SYNPR: variants seen among roughly 807,000 people sequenced by gnomAD.
SYNPR encodes the protein synaptoporin.
A neutral mutation model predicts 32.9 loss-of-function variants in SYNPR; 23 were observed. The observed-to-expected ratio is 0.70, with a 90% CI of 0.50 to 0.99. The LOEUF is 0.99. SYNPR is among the 50% of genes least tolerant of loss of function. The pLI is 0.00. For synonymous variants in SYNPR, 146 were observed against 135.9 expected (o/e 1.07, Z -0.52); for missense variants, 318 against 349.3 (o/e 0.91, Z 0.71).
intron 2 of SYNPR, among the ~76,000 whole-genome samples, chr3:63,338,781 A>G (rs2087326263): frequency 6.6e-6 from 1 of 152,192 alleles, no homozygotes; most frequent in South Asian, 2.1e-4. Flanking sequence ...CACTGTCACT[A>G]TGCTGTTCAC....
At chr3:63,446,925 T>G (rs1457337038) in intron 2 of SYNPR, among the ~76,000 whole-genome samples, 1 of 152,032 alleles carries the variant, frequency 6.6e-6, no homozygotes, top group Admixed American at 6.6e-5. Flanking sequence ...AAGTTCAGAG[T>G]GCAGTACACA....
chr3:63,352,358 G>T (rs1223738473), intron 2 of SYNPR, among the ~76,000 whole-genome samples: 2 of 152,166 alleles, frequency 1.3e-5, no homozygotes, highest in Non-Finnish European at 2.9e-5. Context: ...GATTCGGCTG[G>T]AAAATCTGAT....
intron 4 of SYNPR, among the ~76,000 whole-genome samples, chr3:63,569,259 T>A (rs1702845373): frequency 6.6e-6 from 1 of 152,188 alleles, no homozygotes; most frequent in Admixed American, 6.6e-5. Flanking sequence ...ATATTTTAAA[T>A]TATTTCCTTA....
At chr3:63,298,062 A>C (rs1247182525) in intron 2 of SYNPR, among the ~76,000 whole-genome samples, 1 of 152,096 alleles carries the variant, frequency 6.6e-6, no homozygotes, top group Admixed American at 6.6e-5. Context: ...ATTTAATGAC[A>C]CCTATATTTT....
intron 1 of SYNPR, among the ~76,000 whole-genome samples, chr3:63,239,472 GGCAC>G: frequency 1.3e-5 from 2 of 149,910 alleles, no homozygotes; most frequent in Non-Finnish European, 3.0e-5. Flanking sequence ...TGGTAGAATG[GGCAC>G]ATGACACACC....
chr3:63,321,774 C>T lies in SYNPR; in HGVS notation c.84+43032C>T, dbSNP rs550491818. On this transcript the variant is annotated intron_variant, in intron 2 of 5. Transcript: ENST00000478300. ...CTCTGTGTGTTTACAAACACCTCTC[C>T]ACATGAGTAGCCAATATAAACACAA... Among the ~76,000 whole-genome samples the T allele has an allele frequency of 1.3e-4, 20 of 152,126 alleles. No individual in the cohort carries two copies. In the East Asian group the frequency reaches 3.1e-3, roughly 24 times the overall value.
intron 2 of SYNPR, among the ~76,000 whole-genome samples, chr3:63,279,232 C>T (rs11919279): frequency 0.071 from 10,736 of 152,144 alleles, 411 homozygotes; most frequent in Middle Eastern, 0.099. Flanking sequence ...AGCGCGTGTT[C>T]AACTGCTCCG....
chr3:63,361,395 G>A (rs1013792047), intron 2 of SYNPR, among the ~76,000 whole-genome samples: 2 of 151,896 alleles, frequency 1.3e-5, no homozygotes, highest in Non-Finnish European at 2.9e-5. Flanking sequence ...AGACCATCCT[G>A]GCCAACAAGG....
At chr3:63,513,788 G>A (rs532300949) in intron 3 of SYNPR, among the ~76,000 whole-genome samples, 2 of 152,156 alleles carry the variant, frequency 1.3e-5, no homozygotes, top group South Asian at 4.2e-4. Flanking sequence ...ATGATGGAAG[G>A]AATGAGGAGA....
At chr3:63,466,322 C>T (rs1700677737) in intron 2 of SYNPR, among the ~76,000 whole-genome samples, 1 of 152,030 alleles carries the variant, frequency 6.6e-6, no homozygotes, top group Admixed American at 6.6e-5. Flanking sequence ...CAAGGTGCTT[C>T]CCCTAGAGAA....
chr3:63,555,789 C>A (rs1702586124), intron 3 of SYNPR, among the ~76,000 whole-genome samples: 1 of 152,022 alleles, frequency 6.6e-6, no homozygotes, highest in Admixed American at 6.6e-5. Flanking sequence ...TTCCCACTAT[C>A]ATGGAGAAAT....
chr3:63,444,615 AG>A (rs1327817543), intron 2 of SYNPR, among the ~76,000 whole-genome samples: 1 of 152,148 alleles, frequency 6.6e-6, no homozygotes, highest in Non-Finnish European at 1.5e-5. Flanking sequence ...TAGGGCTCGT[AG>A]GCATAGATTT....
intron 2 of SYNPR, among the ~76,000 whole-genome samples, chr3:63,342,564 G>T (rs1277896583): frequency 6.6e-6 from 1 of 152,134 alleles, no homozygotes; most frequent in Non-Finnish European, 1.5e-5. Context: ...GAGAGATATT[G>T]GTCTTTAATT....
intron 3 of SYNPR, among the ~76,000 whole-genome samples, chr3:63,546,357 T>C (rs1374420170): frequency 6.6e-6 from 1 of 152,102 alleles, no homozygotes; most frequent in African/African-American, 2.4e-5. Context: ...GAAATGTCTA[T>C]CTGTGTAAAT....
intron 1 of SYNPR, among the ~76,000 whole-genome samples, chr3:63,236,193 G>A (rs1049245845): frequency 5.3e-5 from 8 of 151,526 alleles, no homozygotes; most frequent in South Asian, 2.1e-4. Context: ...TCTTTTGTAC[G>A]GGTATAGATC....
chr3:63,398,919 T>A (rs1003994018), intron 2 of SYNPR, among the ~76,000 whole-genome samples: 1 of 152,164 alleles, frequency 6.6e-6, no homozygotes, highest in South Asian at 2.1e-4. Flanking sequence ...TTTTTAAGGA[T>A]TCTTTTGGTG....
chr3:63,406,733 C>T (rs9311875), intron 2 of SYNPR, among the ~76,000 whole-genome samples: 62,082 of 151,940 alleles, frequency 0.41, 12,953 homozygotes, highest in African/African-American at 0.5. Context: ...CGAGGTCTCA[C>T]TGGAGTAACA....
chr3:63,226,684 A>G (rs2086130692), upstream of SYNPR, among the ~76,000 whole-genome samples: 1 of 152,200 alleles, frequency 6.6e-6, no homozygotes, highest in African/African-American at 2.4e-5. Context: ...AGAATGATAC[A>G]TACCAGAGTT....
intron 2 of SYNPR, among the ~76,000 whole-genome samples, chr3:63,353,464 T>C (rs1338093663): frequency 6.6e-6 from 1 of 152,216 alleles, no homozygotes; most frequent in Non-Finnish European, 1.5e-5. Context: ...GTTTTAAGCA[T>C]CACATTCTGG....
Sources: gnomAD v4.1 joint callset for allele counts (sites outside exome capture counted in the v4.1 genomes callset) on GRCh38, gnomAD v4.1.1 for gene constraint, MANE v1.5 for transcripts, NCBI Gene and HGNC (gene_info 2026-07-23, HGNC 2026-07-21) for gene names.